The following FAM120C variants were observed in gnomAD, a reference collection of about 807,000 sequenced individuals.
The protein encoded by FAM120C is constitutive coactivator of PPAR-gamma-like protein 2.
FAM120C carries 14 observed loss-of-function variants against 71.2 expected under a neutral mutation model. The observed-to-expected ratio is 0.20, with a 90% CI of 0.13 to 0.31. The LOEUF (loss-of-function observed/expected upper bound fraction) is 0.31. Ranked by LOEUF, FAM120C falls within the 10% of genes least tolerant of loss-of-function variation. FAM120C has a pLI of 1.00. For synonymous variants in FAM120C, 354 were observed against 353.2 expected (o/e 1.00, Z -0.03); for missense variants, 500 against 879.0 (o/e 0.57, Z 5.45).
intron 9 of FAM120C, among the ~76,000 whole-genome samples, chrX:54,118,075 T>C (rs899340388): frequency 1.8e-5 from 2 of 109,199 alleles, no homozygotes; most frequent in Admixed American, 2.0e-4. Flanking sequence ...AATACAAAAT[T>C]AGCTGGGCAT....
intron 10 of FAM120C, among the ~76,000 whole-genome samples, chrX:54,094,135 G>A: frequency 1.1e-5 from 1 of 87,432 alleles, no homozygotes; most frequent in East Asian, 4.1e-4. Context: ...CTGTCGCCCA[G>A]GATGGAGTGC....
At chrX:54,180,023 A>G (rs782133120) in intron 1 of FAM120C, among the ~76,000 whole-genome samples, 54 of 112,293 alleles carry the variant, frequency 4.8e-4, no homozygotes, top group African/African-American at 1.7e-3. Context: ...TTTATCACAT[A>G]TCCATCTATT....
chrX:54,174,444 T>C (rs781946030), intron 1 of FAM120C, among the ~76,000 whole-genome samples: 1 of 111,638 alleles, frequency 9.0e-6, no homozygotes, highest in Non-Finnish European at 1.9e-5. Context: ...CATGGAGCTG[T>C]AGAGACCAAT....
chrX:54,088,031 T>G (rs1459444251), intron 11 of FAM120C, 67 bp from the exon 12 acceptor site: 3 of 916,408 alleles, frequency 3.3e-6, no homozygotes, highest in Admixed American at 2.9e-5. Context: ...TTACTCTTAT[T>G]CCTGTCATGC....
chrX:54,073,741 G>C (rs2066722285), intron 15 of FAM120C, among the ~76,000 whole-genome samples: 1 of 109,555 alleles, frequency 9.1e-6, no homozygotes, highest in South Asian at 3.9e-4. Flanking sequence ...CGGATACCTA[G>C]TACATTCTGA....
chrX:54,175,128 T>C (rs1569533959), intron 1 of FAM120C, among the ~76,000 whole-genome samples: 1 of 111,859 alleles, frequency 8.9e-6, no homozygotes, highest in African/African-American at 3.2e-5. Flanking sequence ...GCATTTCCTA[T>C]GTCACAAAAC....
chrX:54,164,919 AT>A (rs1256069329), intron 1 of FAM120C, among the ~76,000 whole-genome samples: 1 of 111,567 alleles, frequency 9.0e-6, no homozygotes, highest in Non-Finnish European at 1.9e-5. Context: ...GTCAACACTT[AT>A]TTTTTTGTGT....
At position 54,071,315 on chromosome X, in the gene FAM120C, A is replaced by C. The variant is rs2066707694; in HGVS notation, c.*1718T>G. 1 of 113,060 alleles carries C rather than the reference A, an allele frequency of 8.8e-6. No homozygotes were observed. The highest frequency in any genetic ancestry group is 3.2e-5 in the African/African-American group (1 of 31,192). 9.3% of individuals were successfully genotyped at this position (113,060 alleles called of 1,213,427 possible). ...CAGATCCTGGCCACACAGGAGGCTG[A>C]GAATCTTTTAATAGAATTCTTCTCA... On this transcript the variant is annotated 3_prime_UTR_variant, in exon 16 of 16. Coordinates refer to ENST00000375180, the MANE Select transcript of FAM120C (RefSeq NM_017848.6).
At chrX:54,166,564 T>C (rs1385157919) in intron 1 of FAM120C, among the ~76,000 whole-genome samples, 1 of 111,907 alleles carries the variant, frequency 8.9e-6, no homozygotes, top group Non-Finnish European at 1.9e-5. Context: ...ATACGTACAA[T>C]GGAATAGTGT....
At chrX:54,103,735 G>T (rs185318383) in intron 10 of FAM120C, among the ~76,000 whole-genome samples, 5 of 85,083 alleles carry the variant, frequency 5.9e-5, no homozygotes, top group African/African-American at 2.1e-4. Flanking sequence ...ACTTCGGTAC[G>T]TAATAGGTCC....
intron 15 of FAM120C, among the ~76,000 whole-genome samples, chrX:54,077,051 C>T (rs1450845062): frequency 3.6e-5 from 4 of 111,156 alleles, no homozygotes; most frequent in Non-Finnish European, 5.7e-5. Flanking sequence ...ATGATTGCAA[C>T]ACTGCACTCC....
At chrX:54,128,920 C>A (rs1459570326) in intron 9 of FAM120C, among the ~76,000 whole-genome samples, 1 of 110,695 alleles carries the variant, frequency 9.0e-6, no homozygotes, top group African/African-American at 3.3e-5. Context: ...TTTTCCCCAC[C>A]TTTCCCCCTT....
At chrX:54,128,952 T>C (rs2067043923) in intron 9 of FAM120C, among the ~76,000 whole-genome samples, 1 of 110,557 alleles carries the variant, frequency 9.0e-6, no homozygotes, top group African/African-American at 3.3e-5. Flanking sequence ...AAAACCGCCA[T>C]TGTCATCATG....
rs781789688 is a variant in FAM120C at position 54,182,869 on chromosome X, G to GGGCGGCGGCGGCGGC, written c.315_329dup (p.Pro107_Pro111dup). On this transcript the variant is annotated inframe_insertion, in exon 1 of 16. Coordinates refer to ENST00000375180, the MANE Select transcript of FAM120C (RefSeq NM_017848.6). ...GCACCCGGGCCCCGGGCAGCTGAGG[G>GGGCGGCGGCGGCGGC]GGCGGCGGCGGCGGCAGCGGAGGGT... The GGGCGGCGGCGGCGGC allele has an allele frequency of 2.6e-6, 3 of 1,132,860 alleles. No homozygotes were observed. Among genetic ancestry groups the GGGCGGCGGCGGCGGC allele is most frequent in the Non-Finnish European group, 3.5e-6 (3 of 858,898 alleles). 93.4% of individuals were successfully genotyped at this position (1,132,860 alleles called of 1,213,427 possible).
intron 15 of FAM120C, among the ~76,000 whole-genome samples, chrX:54,079,277 A>G (rs34507212): frequency 9.3e-6 from 1 of 107,953 alleles, no homozygotes; most frequent in East Asian, 2.9e-4. Flanking sequence ...AAAAAAAAAA[A>G]GAAAAAGAAA....
intron 11 of FAM120C, among the ~76,000 whole-genome samples, chrX:54,090,649 T>C (rs2066819757): frequency 9.0e-6 from 1 of 111,472 alleles, no homozygotes; most frequent in South Asian, 3.7e-4. Context: ...GGCACCATGT[T>C]TTTTGTACAG....
chrX:54,086,754 CA>C (rs60485302), intron 12 of FAM120C, among the ~76,000 whole-genome samples: 6 of 58,142 alleles, frequency 1.0e-4, no homozygotes, highest in African/African-American at 3.5e-4. Context: ...GAATCTGTCT[CA>C]AAAAAAAAAA....
At chrX:54,163,015 A>G (rs2070363977) in intron 1 of FAM120C, among the ~76,000 whole-genome samples, 1 of 112,201 alleles carries the variant, frequency 8.9e-6, no homozygotes, top group South Asian at 3.7e-4. Flanking sequence ...AAAAAATGGA[A>G]AATAATGAGT....
chrX:54,124,751 C>T (rs2067017178), intron 9 of FAM120C, among the ~76,000 whole-genome samples: 1 of 111,931 alleles, frequency 8.9e-6, no homozygotes, highest in South Asian at 3.7e-4. Flanking sequence ...CCCCACCGAC[C>T]TAGAAGCTAA....
Sources: allele counts gnomAD v4.1 joint callset (sites outside exome capture counted in the v4.1 genomes callset), GRCh38; gene constraint gnomAD v4.1.1; transcripts MANE v1.5; gene names NCBI Gene and HGNC (gene_info 2026-07-23, HGNC 2026-07-21).